MET: variants seen among roughly 807,000 people sequenced by gnomAD.
MET encodes MET proto-oncogene, receptor tyrosine kinase.
A neutral mutation model predicts 133.1 loss-of-function variants in MET; 48 were observed. The ratio of observed to expected loss-of-function variants is 0.36; its 90% CI spans 0.29 to 0.46. The LOEUF (loss-of-function observed/expected upper bound fraction) is 0.46, where lower values mean the gene tolerates loss of function less well. Ranked by LOEUF, MET falls within the 20% of genes least tolerant of loss-of-function variation. MET has a pLI of 1.00. For synonymous variants in MET, 628 were observed against 616.5 expected (o/e 1.02, Z -0.28); for missense variants, 1,442 against 1,695.9 (o/e 0.85, Z 2.63).
rs762885066 is a variant in MET at position 116,699,996 on chromosome 7, A to G, written c.912A>G (p.Arg304=). The change falls in exon 2 of 21, where the codon AGA becomes AGG. Residue 304 remains arginine (R), a synonymous_variant. Coordinates refer to ENST00000397752, the MANE Select transcript of MET (RefSeq NM_000245.4). The part of the protein sequence containing the change: ...MPLECILTEK[R]KKRSTKKEVF... ...TGGAGTGTATTCTCACAGAAAAGAG[A>G]AAAAAGAGATCCACAAAGAAGGAAG... 7 of 1,613,904 alleles carry G rather than the reference A, an allele frequency of 4.3e-6. No homozygotes were observed. The highest frequency in any genetic ancestry group is 5.9e-6 in the Non-Finnish European group (7 of 1,179,986).
chr7:116,694,240 G>A (rs1381813156), intron 1 of MET, among the ~76,000 whole-genome samples: 1 of 152,178 alleles, frequency 6.6e-6, no homozygotes, highest in Non-Finnish European at 1.5e-5. Flanking sequence ...GAATGATCAA[G>A]GAAATGGGGC....
At chr7:116,729,133 G>A (rs10232307) in intron 2 of MET, among the ~76,000 whole-genome samples, 4,312 of 152,266 alleles carry the variant, frequency 0.028, 229 homozygotes, top group African/African-American at 0.098. Flanking sequence ...GGTTGCTATC[G>A]AATTGCTGGT....
At chr7:116,711,460 T>C (rs1255959599) in intron 2 of MET, among the ~76,000 whole-genome samples, 1 of 152,264 alleles carries the variant, frequency 6.6e-6, no homozygotes, top group Non-Finnish European at 1.5e-5. Flanking sequence ...TCATTTATCG[T>C]ATCTCAGACT....
intron 2 of MET, among the ~76,000 whole-genome samples, chr7:116,727,450 G>C (rs1311030513): frequency 6.6e-6 from 1 of 152,024 alleles, no homozygotes; most frequent in East Asian, 1.9e-4. Context: ...GCACATTCTG[G>C]GTGCAGGAAA....
Position 116,746,495 on chromosome 7 carries a change from G to A in MET, c.1701+5470G>A, listed in dbSNP as rs556878090. ...CACATGCACATGTATGTTTATTGCA[G>A]CACTATTCAGAATAGCAAAGACTTG... On this transcript the variant is annotated intron_variant, in intron 5 of 20. Coordinates refer to ENST00000397752, the MANE Select transcript of MET (RefSeq NM_000245.4). Among the ~76,000 whole-genome samples the A allele has an allele frequency of 2.7e-4, 41 of 152,296 alleles. 3 individuals are homozygous for A. The South Asian group carries it at 7.7e-3, about 29-fold the overall frequency.
intron 2 of MET, among the ~76,000 whole-genome samples, chr7:116,712,243 T>C (rs1231966438): frequency 6.6e-6 from 1 of 152,178 alleles, no homozygotes. Flanking sequence ...GGCATTTTCC[T>C]TCCCCAGGAC....
At chr7:116,741,161 T>G in intron 5 of MET, 136 bp downstream of exon 5, 1 of 1,014,090 alleles carries the variant, frequency 9.9e-7, no homozygotes, top group Non-Finnish European at 1.5e-6. Context: ...AATTTACTCA[T>G]TTAGCTGTGA....
At chr7:116,748,652 C>T (rs1042838814) in intron 5 of MET, among the ~76,000 whole-genome samples, 27 of 150,814 alleles carry the variant, frequency 1.8e-4, no homozygotes, top group Admixed American at 2.0e-4. Context: ...CATAGAGACA[C>T]GAAAAACCCC....
Position 116,733,348 on chromosome 7 carries a change from CT to C in MET, c.1392+1501del, listed in dbSNP as rs557820994. ...TTGCCCCCTTTTATCTTTATTTCTG[CT>C]TTTTTTTTTTTCAAAATCGTCCATT... On this transcript the variant is annotated intron_variant, in intron 3 of 20. Coordinates refer to ENST00000397752, the MANE Select transcript of MET (RefSeq NM_000245.4). 1.9e-3 allele frequency among the ~76,000 whole-genome samples: 264 copies of C among 138,486 alleles called. 1 individual carries two copies. Among genetic ancestry groups the C allele is most frequent in the Middle Eastern group, 7.5e-3 (2 of 266 alleles). 90.9% of individuals were successfully genotyped at this position (138,486 alleles called of 152,430 possible).
intron 2 of MET, among the ~76,000 whole-genome samples, chr7:116,730,209 A>C (rs555765274): frequency 6.6e-6 from 1 of 152,320 alleles, no homozygotes; most frequent in South Asian, 2.1e-4. Flanking sequence ...TGGAAGGAGC[A>C]TTTCAAGCCG....
intron 4 of MET, 109 bp downstream of exon 4, chr7:116,740,193 C>A: frequency 1.6e-6 from 2 of 1,250,980 alleles, no homozygotes; most frequent in East Asian, 2.3e-5. Flanking sequence ...TTAAATTTAC[C>A]CCTCCTCCAT....
At chr7:116,755,096 A>ATCT (rs1454552203) in intron 5 of MET, among the ~76,000 whole-genome samples, 4 of 152,140 alleles carry the variant, frequency 2.6e-5, no homozygotes, top group African/African-American at 9.6e-5. Context: ...ACCAAGCTGC[A>ATCT]TCTGCTCTTT....
intron 5 of MET, among the ~76,000 whole-genome samples, chr7:116,742,063 A>AG (rs1212300955): frequency 6.6e-6 from 1 of 152,258 alleles, no homozygotes; most frequent in Non-Finnish European, 1.5e-5. Context: ...GTGTGCATGT[A>AG]GAAAAGTTGG....
chr7:116,754,911 GA>G (rs1434193803), intron 5 of MET, among the ~76,000 whole-genome samples: 1 of 128,716 alleles, frequency 7.8e-6, no homozygotes, highest in African/African-American at 2.8e-5. Context: ...AAGAAAGAAA[GA>G]AAGAAAGAAA....
chr7:116,676,039 TA>T (rs1295083446), intron 1 of MET, among the ~76,000 whole-genome samples: 8 of 152,248 alleles, frequency 5.3e-5, no homozygotes, highest in Non-Finnish European at 1.2e-4. Context: ...AAAGTGCTTT[TA>T]TAAGCTGTAA....
intron 12 of MET, 67 bp from the exon 13 acceptor site, chr7:116,771,431 T>G: frequency 6.3e-7 from 1 of 1,598,902 alleles, no homozygotes; most frequent in African/African-American, 1.3e-5. Flanking sequence ...CCCAAAGTGC[T>G]ACAACCTGTG....
intron 6 of MET, among the ~76,000 whole-genome samples, chr7:116,756,926 A>G (rs1157966283): frequency 2.0e-5 from 3 of 152,186 alleles, no homozygotes; most frequent in African/African-American, 4.8e-5. Flanking sequence ...CTATAGTACC[A>G]TTAATGTAAA....
chr7:116,786,180 A>G (rs1284597044), intron 19 of MET, among the ~76,000 whole-genome samples: 1 of 152,186 alleles, frequency 6.6e-6, no homozygotes, highest in Non-Finnish European at 1.5e-5. Context: ...CACATGGCTA[A>G]AAGAATAAGA....
At chr7:116,706,486 A>C (rs1338758996) in intron 2 of MET, among the ~76,000 whole-genome samples, 1 of 152,180 alleles carries the variant, frequency 6.6e-6, no homozygotes, top group African/African-American at 2.4e-5. Flanking sequence ...TTCTGGAAGC[A>C]TGTGGGATGC....
Sources: allele counts gnomAD v4.1 joint callset (sites outside exome capture counted in the v4.1 genomes callset), GRCh38; gene constraint gnomAD v4.1.1; transcripts MANE v1.5; gene names NCBI Gene and HGNC (gene_info 2026-07-23, HGNC 2026-07-21).